SLCO5A1: variants seen among roughly 807,000 people sequenced by gnomAD.
SLCO5A1 encodes solute carrier organic anion transporter family member 5A1, also known as organic anion transporter polypeptide-related protein 4.
Under a neutral mutation model 65.1 loss-of-function variants are expected in SLCO5A1, and 39 were observed. That is an observed-to-expected ratio of 0.60 (90% CI 0.46 to 0.78). The LOEUF is 0.78. Ranked by LOEUF, SLCO5A1 falls within the 30% of genes least tolerant of loss-of-function variation. The probability of loss-of-function intolerance (pLI) is 0.00; values close to 1 mark genes in which losing one functional copy is unlikely to be tolerated. For missense variants in SLCO5A1, 1,029 were observed against 1,069.4 expected, an observed-to-expected ratio of 0.96 and a Z score of 0.53; for synonymous variants, 438 against 415.7, an observed-to-expected ratio of 1.05 and a Z score of -0.65.
At chr8:69,733,717 A>C (rs1586738766) in intron 5 of SLCO5A1, among the ~76,000 whole-genome samples, 1 of 151,400 alleles carries the variant, frequency 6.6e-6, no homozygotes, top group Non-Finnish European at 1.5e-5. Flanking sequence ...GCTCTTCCTC[A>C]CTCTCTTTCA....
At chr8:69,676,390 G>T (rs1281277776) in intron 9 of SLCO5A1, among the ~76,000 whole-genome samples, 1 of 152,122 alleles carries the variant, frequency 6.6e-6, no homozygotes, top group Non-Finnish European at 1.5e-5. Context: ...TAATGAAAAA[G>T]AAACTAACCT....
intron 8 of SLCO5A1, among the ~76,000 whole-genome samples, chr8:69,678,678 C>T (rs1813643141): frequency 6.6e-6 from 1 of 151,856 alleles, no homozygotes; most frequent in Admixed American, 6.6e-5. Flanking sequence ...GCAGCCCGAC[C>T]ATCATTTTGG....
chr8:69,781,128 G>T (rs946664999), intron 2 of SLCO5A1, among the ~76,000 whole-genome samples: 9 of 152,218 alleles, frequency 5.9e-5, no homozygotes, highest in African/African-American at 1.9e-4. Flanking sequence ...TACCTCCTGG[G>T]AAGGCTGAGT....
intron 5 of SLCO5A1, among the ~76,000 whole-genome samples, chr8:69,729,182 C>T (rs1005008020): frequency 2.1e-4 from 32 of 152,250 alleles, no homozygotes; most frequent in Admixed American, 7.8e-4. Context: ...CAGTGGCTCA[C>T]GCCTGTAATC....
intron 2 of SLCO5A1, among the ~76,000 whole-genome samples, chr8:69,779,266 T>C (rs1352178945): frequency 1.3e-5 from 2 of 152,184 alleles, no homozygotes; most frequent in Non-Finnish European, 2.9e-5. Flanking sequence ...GCTATGACTA[T>C]AAACCACACA....
intron 5 of SLCO5A1, among the ~76,000 whole-genome samples, chr8:69,716,043 T>A (rs1056852367): frequency 2.0e-5 from 3 of 152,106 alleles, no homozygotes; most frequent in African/African-American, 7.2e-5. Flanking sequence ...TCCATAAGTG[T>A]GCCTGTTTGA....
intron 6 of SLCO5A1, among the ~76,000 whole-genome samples, chr8:69,695,574 TC>T (rs1488614674): frequency 6.6e-6 from 1 of 151,818 alleles, no homozygotes; most frequent in Non-Finnish European, 1.5e-5. Flanking sequence ...TTTTAACCCT[TC>T]CGCACTATTT....
At chr8:69,730,099 G>A (rs1816264379) in intron 5 of SLCO5A1, among the ~76,000 whole-genome samples, 1 of 152,206 alleles carries the variant, frequency 6.6e-6, no homozygotes, top group African/African-American at 2.4e-5. Flanking sequence ...CCTGGGGAAT[G>A]ATCACTCACA....
intron 6 of SLCO5A1, among the ~76,000 whole-genome samples, chr8:69,702,275 C>A (rs1193268111): frequency 6.6e-6 from 1 of 152,200 alleles, no homozygotes; most frequent in Non-Finnish European, 1.5e-5. Flanking sequence ...ACACACATAA[C>A]CCTTGCCCAC....
At chr8:69,791,416 G>T (rs1819261863) in intron 2 of SLCO5A1, among the ~76,000 whole-genome samples, 1 of 152,186 alleles carries the variant, frequency 6.6e-6, no homozygotes, top group Admixed American at 6.5e-5. Context: ...ACTGAGTCAG[G>T]AGATAAGAGA....
At position 69,762,186 on chromosome 8, in the gene SLCO5A1, CTTTCTTTCTTTCTTT is replaced by C. The variant is rs1383474146; in HGVS notation, c.908-326_908-312del. 4.4e-3 allele frequency among the ~76,000 whole-genome samples: 266 copies of C among 59,956 alleles called. 1 individual carries two copies. The highest frequency in any genetic ancestry group is 0.017 in the African/African-American group (242 of 14,538). 39.3% of individuals were successfully genotyped at this position (59,956 alleles called of 152,430 possible). ...TCTTTCTTTCTTTCTTTCTTTCTTTCTTTCTTTCTTTCTTTTTTGAGACAGAGTCTTGCTCTGTCA... is the reference window on the plus strand; with the variant it reads ...TCTTTCTTTCTTTCTTTCTTTCTTTCTTTGAGACAGAGTCTTGCTCTGTCA... On this transcript the variant is annotated intron_variant, in intron 2 of 9. Transcript: ENST00000260126.
chr8:69,679,725 T>G (rs992830269), intron 7 of SLCO5A1, 106 bp from the exon 8 acceptor site: 35 of 1,467,030 alleles, frequency 2.4e-5, no homozygotes, highest in Non-Finnish European at 3.1e-5. Flanking sequence ...AGCTCAAATA[T>G]TTTTTCAAAC....
intron 2 of SLCO5A1, among the ~76,000 whole-genome samples, chr8:69,804,692 A>T (rs1014240187): frequency 1.3e-5 from 2 of 152,160 alleles, no homozygotes; most frequent in Admixed American, 1.3e-4. Context: ...TCAGCATGCC[A>T]AGGAAAACAA....
chr8:69,719,466 A>C (rs1815718549), intron 5 of SLCO5A1, among the ~76,000 whole-genome samples: 1 of 152,244 alleles, frequency 6.6e-6, no homozygotes, highest in Non-Finnish European at 1.5e-5. Context: ...TGAAGTAGGA[A>C]GTTAAGAAAA....
chr8:69,711,814 C>T (rs1046588604), intron 5 of SLCO5A1, among the ~76,000 whole-genome samples: 5 of 152,162 alleles, frequency 3.3e-5, no homozygotes, highest in Non-Finnish European at 5.9e-5. Context: ...TGAAAGGCTT[C>T]GAACAGTGTC....
At chr8:69,700,326 C>G (rs1460784186) in intron 6 of SLCO5A1, 1 of 152,310 alleles carries the variant, frequency 6.6e-6, no homozygotes, top group Non-Finnish European at 1.5e-5. Flanking sequence ...GCCTCCCTCA[C>G]TGCTCCACCT....
intron 2 of SLCO5A1, among the ~76,000 whole-genome samples, chr8:69,770,586 T>C (rs1478676534): frequency 5.9e-5 from 9 of 152,110 alleles, no homozygotes; most frequent in Admixed American, 4.6e-4. Flanking sequence ...AAGCCACTTA[T>C]GATGGGAAGG....
chr8:69,697,698 A>AG (rs1563668335), intron 6 of SLCO5A1, among the ~76,000 whole-genome samples: 1 of 152,190 alleles, frequency 6.6e-6, no homozygotes, highest in African/African-American at 2.4e-5. Flanking sequence ...CTTGAAAAAA[A>AG]GTATTCTGAA....
intron 9 of SLCO5A1, among the ~76,000 whole-genome samples, chr8:69,675,522 A>T (rs1319160085): frequency 1.3e-5 from 2 of 152,166 alleles, no homozygotes; most frequent in Admixed American, 1.3e-4. Context: ...GATTTCCTTT[A>T]AACAGCATGT....
Sources: gnomAD v4.1 joint callset for allele counts (sites outside exome capture counted in the v4.1 genomes callset) on GRCh38, gnomAD v4.1.1 for gene constraint, MANE v1.5 for transcripts, NCBI Gene and HGNC (gene_info 2026-07-23, HGNC 2026-07-21) for gene names.